BACH2: variants seen among roughly 807,000 people sequenced by gnomAD.
BACH2 encodes the protein transcription regulator protein BACH2.
A neutral mutation model predicts 61.8 loss-of-function variants in BACH2; 5 were observed. The ratio of observed to expected loss-of-function variants is 0.08; its 90% CI spans 0.04 to 0.17. The LOEUF is 0.17. BACH2 is among the 10% of genes least tolerant of loss of function. BACH2 has a pLI of 1.00. For synonymous variants in BACH2, 446 were observed against 440.1 expected, an observed-to-expected ratio of 1.01 and a Z score of -0.17; for missense variants, 824 against 1,091.1, an observed-to-expected ratio of 0.76 and a Z score of 3.45.
chr6:90,289,242 C>T (rs1486022483), intron 1 of BACH2, among the ~76,000 whole-genome samples: 1 of 152,046 alleles, frequency 6.6e-6, no homozygotes, highest in Non-Finnish European at 1.5e-5. Flanking sequence ...AAGGGAGAGC[C>T]ATAACATGGT....
At chr6:90,062,052 G>GA (rs1261881814) in intron 5 of BACH2, among the ~76,000 whole-genome samples, 1 of 152,200 alleles carries the variant, frequency 6.6e-6, no homozygotes, top group Non-Finnish European at 1.5e-5. Context: ...ATGCCAATGG[G>GA]AAAGATTTAG....
chr6:90,139,102 TA>T (rs1021905377), intron 4 of BACH2, among the ~76,000 whole-genome samples: 11 of 150,412 alleles, frequency 7.3e-5, no homozygotes, highest in Admixed American at 4.6e-4. Flanking sequence ...GTGACTTCAC[TA>T]AAAAAAAAGG....
intron 5 of BACH2, among the ~76,000 whole-genome samples, chr6:90,066,679 C>A (rs543651251): frequency 1.3e-5 from 2 of 152,160 alleles, no homozygotes; most frequent in African/African-American, 4.8e-5. Flanking sequence ...TTACTGAGTA[C>A]AAGGTATTAT....
intron 4 of BACH2, among the ~76,000 whole-genome samples, chr6:90,105,010 C>T (rs1354289234): frequency 6.6e-6 from 1 of 152,172 alleles, no homozygotes; most frequent in Non-Finnish European, 1.5e-5. Flanking sequence ...AGTTTGTTAG[C>T]CTGATTCATA....
In BACH2 at chr6:90,008,193, AAAG is replaced by A. The variant is rs1454982918; in HGVS notation, c.243+406_243+408del. The A allele has an allele frequency of 5.9e-6, 1 of 170,842 alleles. No homozygotes were observed. The highest frequency in any genetic ancestry group is 2.4e-5 in the African/African-American group (1 of 41,976). 10.6% of individuals were successfully genotyped at this position (170,842 alleles called of 1,614,324 possible). A position where few individuals can be genotyped will look rare whatever the true frequency, so the allele number is the denominator to read the frequency against. ...AGTTGCTTTTATTTTTCCCCCAAGC[AAAG>A]AAGGTGCTGTGAATGCTTTCGATCT... On this transcript the variant is annotated intron_variant, in intron 6 of 8. Transcript: ENST00000257749. The surrounding 1 kb of genome is among the most constrained non-coding windows in gnomAD (Gnocchi z 4.1).
At chr6:90,010,362 CTTTTA>C (rs1263242269) in intron 5 of BACH2, among the ~76,000 whole-genome samples, 2 of 152,184 alleles carry the variant, frequency 1.3e-5, no homozygotes, top group Non-Finnish European at 2.9e-5. Context: ...ACTACATATT[CTTTTA>C]TATCTGGCTT....
intron 3 of BACH2, among the ~76,000 whole-genome samples, chr6:90,232,964 CAGAT>C (rs1770146353): frequency 6.6e-6 from 1 of 152,170 alleles, no homozygotes; most frequent in Non-Finnish European, 1.5e-5. Flanking sequence ...TATTATTCAA[CAGAT>C]AGCCTTCATT....
intron 5 of BACH2, among the ~76,000 whole-genome samples, chr6:90,033,161 A>T (rs1181128890): frequency 6.6e-6 from 1 of 152,008 alleles, no homozygotes; most frequent in East Asian, 1.9e-4. Flanking sequence ...GAACAATGAG[A>T]ACATATGGAC....
chr6:90,106,055 C>T (rs961069332), intron 4 of BACH2, among the ~76,000 whole-genome samples: 4 of 152,168 alleles, frequency 2.6e-5, no homozygotes, highest in African/African-American at 9.7e-5. Context: ...CCTCAGTCTG[C>T]ATTCAATACA....
chr6:90,087,861 A>ATT (rs1458656380), intron 5 of BACH2, among the ~76,000 whole-genome samples: 1 of 152,058 alleles, frequency 6.6e-6, no homozygotes, highest in Non-Finnish European at 1.5e-5. Flanking sequence ...CCCCTCAAGC[A>ATT]TTTATCCTTT....
intron 7 of BACH2, among the ~76,000 whole-genome samples, chr6:89,948,939 A>G (rs1773909433): frequency 6.6e-6 from 1 of 152,134 alleles, no homozygotes. Context: ...CAGTTAAGAG[A>G]GGGGCAGAAA....
intron 4 of BACH2, among the ~76,000 whole-genome samples, chr6:90,098,518 TA>T (rs1034442523): frequency 6.6e-6 from 1 of 152,168 alleles, no homozygotes; most frequent in African/African-American, 2.4e-5. Flanking sequence ...AACATTTAAA[TA>T]ACTTTTAAAT....
chr6:89,955,586 G>A (rs1774383534), intron 6 of BACH2, among the ~76,000 whole-genome samples: 4 of 152,054 alleles, frequency 2.6e-5, no homozygotes. Context: ...GTCTACTTTC[G>A]GCAGTGGTAA....
At chr6:90,122,925 G>A (rs1003633436) in intron 4 of BACH2, among the ~76,000 whole-genome samples, 2 of 152,202 alleles carry the variant, frequency 1.3e-5, no homozygotes, top group African/African-American at 4.8e-5. Flanking sequence ...GAACTTAACG[G>A]CAGAGAAAAG....
chr6:90,215,120 C>A (rs1769488670), intron 3 of BACH2, among the ~76,000 whole-genome samples: 1 of 152,020 alleles, frequency 6.6e-6, no homozygotes, highest in Non-Finnish European at 1.5e-5. Flanking sequence ...GTACCATGTC[C>A]CAGGTTGTTA....
intron 6 of BACH2, among the ~76,000 whole-genome samples, chr6:89,983,955 G>A (rs1444763302): frequency 1.3e-5 from 2 of 152,210 alleles, no homozygotes; most frequent in Non-Finnish European, 2.9e-5. Context: ...GCAACAACCT[G>A]GCTGTTGTCT....
chr6:90,139,644 C>G lies in BACH2; in HGVS notation c.-161-50535G>C, dbSNP rs562933005. On this transcript the variant is annotated intron_variant, in intron 4 of 8. Transcript: ENST00000257749. ...GGGGATATTCAACAAACCAACAGTC[C>G]TTCAACAGTATTTGTGAATGAACAC... Among the ~76,000 whole-genome samples the G allele has an allele frequency of 7.2e-5, 11 of 152,288 alleles. No homozygotes were observed. The South Asian group carries it at 2.3e-3, about 32-fold the overall frequency.
At chr6:90,294,539 A>G (rs1241903393) in intron 1 of BACH2, among the ~76,000 whole-genome samples, 1 of 152,238 alleles carries the variant, frequency 6.6e-6, no homozygotes, top group Non-Finnish European at 1.5e-5. Flanking sequence ...TATAATGGAA[A>G]TGCTGACAGA....
chr6:89,944,700 C>T (rs1773628750), intron 7 of BACH2, among the ~76,000 whole-genome samples: 1 of 151,752 alleles, frequency 6.6e-6, no homozygotes, highest in Non-Finnish European at 1.5e-5. Context: ...CTCTCTCCCG[C>T]CCCCTGCCTG....
Sources: gnomAD v4.1 joint callset for allele counts (sites outside exome capture counted in the v4.1 genomes callset) on GRCh38, gnomAD v4.1.1 for gene constraint, Gnocchi (gnomAD v3.1) non-coding constraint, MANE v1.5 for transcripts, NCBI Gene and HGNC (gene_info 2026-07-23, HGNC 2026-07-21) for gene names.